BACE2: variants seen among roughly 807,000 people sequenced by gnomAD.
The protein encoded by BACE2 is beta-secretase 2.
A neutral mutation model predicts 46.2 loss-of-function variants in BACE2; 17 were observed. That is an observed-to-expected ratio of 0.37 (90% CI 0.25 to 0.55). The LOEUF (loss-of-function observed/expected upper bound fraction) is 0.55. Ranked by LOEUF, BACE2 falls within the 20% of genes least tolerant of loss-of-function variation. The pLI is 0.82. For missense variants in BACE2, 595 were observed against 698.1 expected, an observed-to-expected ratio of 0.85 and a Z score of 1.66; for synonymous variants, 277 against 295.9, an observed-to-expected ratio of 0.94 and a Z score of 0.66.
chr21:41,262,046 T>C (rs1568891863), intron 8 of BACE2, among the ~76,000 whole-genome samples: 1 of 152,132 alleles, frequency 6.6e-6, no homozygotes, highest in Non-Finnish European at 1.5e-5. Flanking sequence ...CACAATACCA[T>C]AATCACACCT....
chr21:41,243,274 A>T (rs1417375186), intron 4 of BACE2, 102 bp from the exon 5 acceptor site: 1 of 941,524 alleles, frequency 1.1e-6, no homozygotes, highest in African/African-American at 1.7e-5. Flanking sequence ...AGAAGCCCTG[A>T]TTGCAGTGAA....
intron 7 of BACE2, among the ~76,000 whole-genome samples, chr21:41,254,049 G>T (rs1987711525): frequency 6.6e-6 from 1 of 152,158 alleles, no homozygotes; most frequent in South Asian, 2.1e-4. Flanking sequence ...AACCGCCAGG[G>T]TTCTTGTCCT....
chr21:41,177,412 C>T (rs1443187861), intron 1 of BACE2: 1 of 152,390 alleles, frequency 6.6e-6, no homozygotes, highest in African/African-American at 2.4e-5. Flanking sequence ...TCCCTCACAG[C>T]ACACTTATTC....
chr21:41,233,650 G>T (rs574999599), intron 2 of BACE2, among the ~76,000 whole-genome samples: 18 of 152,214 alleles, frequency 1.2e-4, no homozygotes, highest in Non-Finnish European at 2.5e-4. Flanking sequence ...ATTTTAGACT[G>T]TTTAGGAAAG....
At position 41,275,568 on chromosome 21, in the gene BACE2, C is replaced by T. The variant is rs551014908; in HGVS notation, c.1501C>T (p.Arg501Cys). 3.0e-5 allele frequency: 48 copies of T among 1,613,980 alleles called. No homozygotes were observed. The highest frequency in any genetic ancestry group is 4.4e-5 in the South Asian group (4 of 91,074). The change falls in exon 9 of 9, where the codon CGT becomes TGT. Residue 501 changes from arginine to cysteine, a missense_variant. Arg to Cys is a radical substitution (Grantham distance 180). This residue lies in a region of BACE2 where 343 missense variants were observed against 419.4 expected (regional missense o/e 0.82). Transcript: ENST00000330333. ...GCCGTTCCGGTGTCAGCGTCGCCCC[C>T]GTGACCCTGAGGTCGTCAATGATGA... is the stretch of plus-strand genomic sequence containing the variant. ...LLPFRCQRRP[R>C]DPEVVNDESS...
intron 6 of BACE2, 137 bp from the exon 7 acceptor site, chr21:41,250,615 T>C (rs1987609130): frequency 1.4e-6 from 1 of 730,156 alleles, no homozygotes; most frequent in African/African-American, 1.8e-5. Context: ...AGGGGACTAA[T>C]GTCCCTGCTG....
chr21:41,192,574 C>T (rs529969151), intron 1 of BACE2, among the ~76,000 whole-genome samples: 3 of 152,184 alleles, frequency 2.0e-5, no homozygotes, highest in African/African-American at 7.2e-5. Flanking sequence ...GATGGCAGGG[C>T]CTTGCTCCAA....
At chr21:41,213,656 C>T (rs1166831486) in intron 1 of BACE2, among the ~76,000 whole-genome samples, 1 of 152,042 alleles carries the variant, frequency 6.6e-6, no homozygotes, top group African/African-American at 2.4e-5. Context: ...TGCCTGTAGT[C>T]CCAGCTACTC....
chr21:41,235,059 G>A (rs537816252), intron 2 of BACE2, among the ~76,000 whole-genome samples: 31 of 152,138 alleles, frequency 2.0e-4, no homozygotes, highest in South Asian at 2.1e-4. Context: ...CCCCAAATCC[G>A]TTTGCCAGAC....
Position 41,243,480 on chromosome 21 carries a change from A to T in BACE2, c.852A>T (p.Gly284=), listed in dbSNP as rs1371453247. The change falls in exon 5 of 9, where the codon GGA becomes GGT. Residue 284 remains glycine, a synonymous_variant. Coordinates refer to ENST00000330333, the MANE Select transcript of BACE2 (RefSeq NM_012105.5). ...YQIEILKLEI[G]GQSLNLDCRE... ...TAGAAATTCTGAAATTGGAAATTGG[A>T]GGCCAAAGCCTTAATCTGGACTGCA... 11 of 1,612,752 alleles carry T rather than the reference A, an allele frequency of 6.8e-6. No homozygotes were observed. In the South Asian group the frequency reaches 1.2e-4, roughly 18 times the overall value.
intron 1 of BACE2, among the ~76,000 whole-genome samples, chr21:41,224,416 G>A (rs191145412): frequency 4.7e-4 from 71 of 151,986 alleles, no homozygotes; most frequent in Admixed American, 4.3e-3. Context: ...GGGTTTCACC[G>A]TGTTAGCCAG....
At chr21:41,170,806 TTAAG>T (rs1984580761) in intron 1 of BACE2, among the ~76,000 whole-genome samples, 1 of 152,188 alleles carries the variant, frequency 6.6e-6, no homozygotes, top group Admixed American at 6.5e-5. Flanking sequence ...TTTTCAAGAA[TTAAG>T]TAATAGTCAT....
chr21:41,219,533 G>C (rs1004576175), intron 1 of BACE2, among the ~76,000 whole-genome samples: 1 of 152,172 alleles, frequency 6.6e-6, no homozygotes, highest in Non-Finnish European at 1.5e-5. Context: ...TTGAGAATCA[G>C]GTTGTGGTGA....
At chr21:41,196,859 G>A (rs1031592135) in intron 1 of BACE2, among the ~76,000 whole-genome samples, 1 of 152,214 alleles carries the variant, frequency 6.6e-6, no homozygotes, top group Non-Finnish European at 1.5e-5. Flanking sequence ...CTGCAGCTCA[G>A]TGAGCACAAC....
chr21:41,174,485 A>T (rs1205708428), intron 1 of BACE2, among the ~76,000 whole-genome samples: 1 of 152,008 alleles, frequency 6.6e-6, no homozygotes, highest in African/African-American at 2.4e-5. Context: ...CATTGCTCCC[A>T]GGGGTGGAGA....
chr21:41,195,270 C>A (rs1985697104), intron 1 of BACE2, among the ~76,000 whole-genome samples: 1 of 152,218 alleles, frequency 6.6e-6, no homozygotes, highest in African/African-American at 2.4e-5. Flanking sequence ...GCTTGCTGAC[C>A]TCTGGGTTAG....
chr21:41,277,721 A>C lies in BACE2; in HGVS notation c.*2097A>C, dbSNP rs1030353119. On this transcript the variant is annotated 3_prime_UTR_variant, in exon 9 of 9. Transcript: ENST00000330333. ...ATTGTGTTAGGTTTCAGAGGCGGGGAGCTTCCTCCTGCAGCAGATGAACAG... is the reference window on the plus strand; with the variant it reads ...ATTGTGTTAGGTTTCAGAGGCGGGGCGCTTCCTCCTGCAGCAGATGAACAG... 6.6e-6 allele frequency: 1 copy of C among 151,926 alleles called. No homozygotes were observed. Among genetic ancestry groups the C allele is most frequent in the Non-Finnish European group, 1.5e-5 (1 of 67,926 alleles). 9.4% of individuals were successfully genotyped at this position (151,926 alleles called of 1,614,324 possible). A position where few individuals can be genotyped will look rare whatever the true frequency, so the allele number is the denominator to read the frequency against.
Position 41,168,263 on chromosome 21 carries a change from C to T in BACE2, c.-1C>T. The stretch of plus-strand genomic sequence containing the variant: ...CGCGCCCCCCGGGCCCCGCCGTGGG[C>T]ATGGGCGCACTGGCCCGGGCGCTGC... On this transcript the variant is annotated 5_prime_UTR_variant, in exon 1 of 9. Transcript: ENST00000330333. The T allele has an allele frequency of 8.4e-7, 1 of 1,188,078 alleles. No individual in the cohort carries two copies. The highest frequency in any genetic ancestry group is 4.0e-5 in the South Asian group (1 of 25,092). 73.6% of individuals were successfully genotyped at this position (1,188,078 alleles called of 1,614,324 possible).
intron 8 of BACE2, among the ~76,000 whole-genome samples, chr21:41,262,588 C>T (rs1176999212): frequency 3.3e-5 from 5 of 152,138 alleles, no homozygotes; most frequent in Admixed American, 3.3e-4. Flanking sequence ...CTGCATTGAA[C>T]TTACAGAATT....
Sources: allele counts gnomAD v4.1 joint callset (sites outside exome capture counted in the v4.1 genomes callset), GRCh38; gene constraint gnomAD v4.1.1; regional missense constraint gnomAD v4.1.1; transcripts MANE v1.5; gene names NCBI Gene and HGNC (gene_info 2026-07-23, HGNC 2026-07-21).